Variants in UNC5C observed in about 807,000 individuals in gnomAD.
The protein encoded by UNC5C is netrin receptor UNC5C.
UNC5C carries 47 observed loss-of-function variants against 99.8 expected under a neutral mutation model. That is an observed-to-expected ratio of 0.47 (90% CI 0.37 to 0.60). UNC5C has a LOEUF of 0.60. UNC5C is among the 20% of genes least tolerant of loss of function. The pLI is 0.00. For synonymous variants in UNC5C, 487 were observed against 452.2 expected (o/e 1.08, Z -0.98); for missense variants, 1,062 against 1,165.9 (o/e 0.91, Z 1.30).
At chr4:95,456,084 C>G (rs904723264) in intron 1 of UNC5C, among the ~76,000 whole-genome samples, 1 of 151,962 alleles carries the variant, frequency 6.6e-6, no homozygotes, top group Non-Finnish European at 1.5e-5. Context: ...AAACACACAG[C>G]TCATTATATT....
rs200873467 is a variant in UNC5C at position 95,359,486 on chromosome 4, TAA to T, written c.125-23857_125-23856del. 4.8e-5 allele frequency among the ~76,000 whole-genome samples: 7 copies of T among 144,346 alleles called. No homozygotes were observed. The South Asian group carries it at 6.5e-4, about 13-fold the overall frequency. The allele number at this position is 144,346 out of a possible 152,430, so 94.7% of individuals were successfully genotyped here. The stretch of plus-strand genomic sequence containing the variant: ...TAATAATTGCTACCTATACTGTTTC[TAA>T]AAAAAAAAAAGGTGAGAGAAGTTTT... On this transcript the variant is annotated intron_variant, in intron 1 of 15. Transcript: ENST00000453304.
intron 1 of UNC5C, among the ~76,000 whole-genome samples, chr4:95,360,234 C>A (rs1169979264): frequency 6.6e-6 from 1 of 152,132 alleles, no homozygotes; most frequent in Non-Finnish European, 1.5e-5. Flanking sequence ...ATTATTCTTT[C>A]ATTTGCATTA....
intron 13 of UNC5C, 150 bp downstream of exon 13, chr4:95,184,897 T>A: frequency 8.2e-6 from 7 of 856,774 alleles, no homozygotes; most frequent in Non-Finnish European, 9.7e-6. Flanking sequence ...TCTGTGTTTC[T>A]CAAAAATCCT....
chr4:95,242,645 G>A, intron 6 of UNC5C, 52 bp from the exon 7 acceptor site: 1 of 1,482,076 alleles, frequency 6.7e-7, no homozygotes, highest in Non-Finnish European at 9.0e-7. Flanking sequence ...AGCTGCTTAA[G>A]GGATGGAGCA....
At chr4:95,320,191 G>A (rs536942906) in intron 2 of UNC5C, among the ~76,000 whole-genome samples, 1 of 152,186 alleles carries the variant, frequency 6.6e-6, no homozygotes, top group African/African-American at 2.4e-5. Context: ...GGAGGCCAAG[G>A]TGGGCAGGTC....
At chr4:95,461,728 A>G (rs927059126) in intron 1 of UNC5C, among the ~76,000 whole-genome samples, 2 of 152,130 alleles carry the variant, frequency 1.3e-5, no homozygotes, top group Non-Finnish European at 2.9e-5. Context: ...TGCACTGCTC[A>G]AACTCTGTGT....
chr4:95,437,281 C>A (rs1746823089), intron 1 of UNC5C, among the ~76,000 whole-genome samples: 1 of 151,520 alleles, frequency 6.6e-6, no homozygotes, highest in Non-Finnish European at 1.5e-5. Flanking sequence ...TTTAGATAGT[C>A]CTGAATATTG....
At chr4:95,460,765 A>G (rs952386638) in intron 1 of UNC5C, among the ~76,000 whole-genome samples, 6 of 152,160 alleles carry the variant, frequency 3.9e-5, no homozygotes, top group African/African-American at 1.4e-4. Flanking sequence ...TATGAACCTT[A>G]ATTATGTCTA....
At chr4:95,438,395 A>G (rs1746849814) in intron 1 of UNC5C, among the ~76,000 whole-genome samples, 1 of 152,154 alleles carries the variant, frequency 6.6e-6, no homozygotes, top group Non-Finnish European at 1.5e-5. Context: ...TTCTGGGAAC[A>G]GATATCCTCT....
chr4:95,220,916 A>C (rs1311817698), intron 7 of UNC5C, among the ~76,000 whole-genome samples: 2 of 152,198 alleles, frequency 1.3e-5, no homozygotes, highest in Admixed American at 6.5e-5. Context: ...TTACTAGAAT[A>C]AAATATAGCT....
At chr4:95,279,850 C>T (rs950023376) in intron 3 of UNC5C, among the ~76,000 whole-genome samples, 1 of 152,190 alleles carries the variant, frequency 6.6e-6, no homozygotes, top group East Asian at 1.9e-4. Flanking sequence ...AATTTTTCCA[C>T]TGACTGCTGG....
At chr4:95,198,476 TGAATGCTACTAGAA>T (rs1737521827) in intron 12 of UNC5C, among the ~76,000 whole-genome samples, 1 of 152,144 alleles carries the variant, frequency 6.6e-6, no homozygotes, top group Non-Finnish European at 1.5e-5. Context: ...TAAGATGATG[TGAATGCTACTAGAA>T]TAAGTTTGGG....
intron 14 of UNC5C, among the ~76,000 whole-genome samples, chr4:95,179,592 C>A (rs1736520965): frequency 6.6e-6 from 1 of 151,852 alleles, no homozygotes; most frequent in African/African-American, 2.4e-5. Context: ...ACTAACAATA[C>A]AAAAATCAGC....
intron 5 of UNC5C, among the ~76,000 whole-genome samples, chr4:95,246,349 G>A (rs1739501840): frequency 6.6e-6 from 1 of 151,908 alleles, no homozygotes; most frequent in Non-Finnish European, 1.5e-5. Flanking sequence ...TTGAGACCAA[G>A]AGTTCAAGAC....
intron 1 of UNC5C, among the ~76,000 whole-genome samples, chr4:95,386,840 G>GT (rs1045429160): frequency 1.3e-5 from 2 of 151,868 alleles, no homozygotes. Flanking sequence ...GTGAAGCTGT[G>GT]TTTTTTTTCT....
At chr4:95,516,669 T>C (rs2149489009) in intron 1 of UNC5C, among the ~76,000 whole-genome samples, 1 of 152,236 alleles carries the variant, frequency 6.6e-6, no homozygotes, top group East Asian at 1.9e-4. Context: ...TCCCGAAGCT[T>C]TCCCAAGTCC....
At chr4:95,333,536 A>G (rs540238383) in intron 2 of UNC5C, among the ~76,000 whole-genome samples, 61 of 138,586 alleles carry the variant, frequency 4.4e-4, no homozygotes, top group Non-Finnish European at 8.9e-4. Flanking sequence ...ACACATGGAC[A>G]CAGGAAGGGG....
At chr4:95,279,377 G>A (rs764654888) in intron 3 of UNC5C, among the ~76,000 whole-genome samples, 3 of 152,168 alleles carry the variant, frequency 2.0e-5, no homozygotes, top group Admixed American at 2.0e-4. Flanking sequence ...TTTACAAACT[G>A]TTGTTAGATG....
Position 95,548,848 on chromosome 4 carries a change from C to A in UNC5C, c.10G>T (p.Gly4Cys), listed in dbSNP as rs764501513. 8.2e-5 allele frequency: 132 copies of A among 1,612,926 alleles called. No individual in the cohort carries two copies. Among genetic ancestry groups the A allele is most frequent in the Non-Finnish European group, 1.0e-4 (122 of 1,179,856 alleles). Residue 4 changes from glycine (G) to cysteine (C), a missense_variant, in exon 1 of 16, where the codon GGT becomes TGT. Coordinates refer to ENST00000453304, the MANE Select transcript of UNC5C (RefSeq NM_003728.4). ...CAGCGGGCCGCTGTCGCCCGCAGAC[C>A]TTTCCTCATCGTAGACAGAGGTGTG... is the stretch of plus-strand genomic sequence containing the variant. MRK[G>C]LRATAARCGL...
Sources: gnomAD v4.1 joint callset for allele counts (sites outside exome capture counted in the v4.1 genomes callset) on GRCh38, gnomAD v4.1.1 for gene constraint, MANE v1.5 for transcripts, NCBI Gene and HGNC (gene_info 2026-07-23, HGNC 2026-07-21) for gene names.